The following SPG11 variants were observed in gnomAD, a reference collection of about 807,000 sequenced individuals.
SPG11 encodes the protein SPG11 vesicle trafficking associated, spatacsin, also known as spatacsin.
Under a neutral mutation model 274.0 loss-of-function variants are expected in SPG11, and 222 were observed. The ratio of observed to expected loss-of-function variants is 0.81; its 90% confidence interval spans 0.73 to 0.91. The LOEUF is 0.91. SPG11 is among the 40% of genes least tolerant of loss of function. SPG11 has a pLI of 0.00. For synonymous variants in SPG11, 1,144 were observed against 1,039.7 expected (o/e 1.10, Z -1.93); for missense variants, 3,114 against 2,872.7 (o/e 1.08, Z -1.92).
chr15:44,593,941 T>G (rs2082967383), intron 26 of SPG11, among the ~76,000 whole-genome samples: 1 of 150,490 alleles, frequency 6.6e-6, no homozygotes, highest in South Asian at 2.1e-4. Context: ...TTTTTTTTTT[T>G]GTATTTTTAG....
rs181229662 is a variant in SPG11, at chr15:44,629,303, T to C, written c.1821A>G (p.Ser607=). ...SYSEPQSKHF[S]EQLLNLTLSF... is the part of the protein sequence containing the mutation. ...ACAGTGTAAGATTAAGCAATTGTTCTGAAAAGTGTTTGCTTTGGGGTTCAG... is the reference window on the plus strand; with the variant it reads ...ACAGTGTAAGATTAAGCAATTGTTCCGAAAAGTGTTTGCTTTGGGGTTCAG... Residue 607 remains serine (S), a synonymous_variant, in exon 9 of 40, where the codon TCA becomes TCG. Transcript: ENST00000261866. 2.5e-5 allele frequency: 41 copies of C among 1,614,184 alleles called. No individual in the cohort carries two copies. In the East Asian group the frequency reaches 4.9e-4, roughly 19 times the overall value.
intron 30 of SPG11, among the ~76,000 whole-genome samples, chr15:44,578,699 G>A (rs971945678): frequency 4.6e-5 from 7 of 152,186 alleles, no homozygotes; most frequent in Admixed American, 2.6e-4. Flanking sequence ...TACCGCAAAG[G>A]AAAATGAACT....
At chr15:44,626,603 G>A (rs1039408097) in intron 10 of SPG11, 96 bp from the exon 11 acceptor site, 6 of 1,281,526 alleles carry the variant, frequency 4.7e-6, no homozygotes, top group South Asian at 3.9e-5. Flanking sequence ...ATCTAACAAA[G>A]GAACTTTTAT....
chr15:44,637,639 A>G (rs1171805174), intron 7 of SPG11, among the ~76,000 whole-genome samples: 2 of 152,184 alleles, frequency 1.3e-5, no homozygotes, highest in East Asian at 1.9e-4. Flanking sequence ...TTTCAAGCAC[A>G]TGGAACTTTT....
Position 44,621,927 on chromosome 15 carries a change from TC to T in SPG11, c.2451del (p.Trp817Ter). 6.2e-7 allele frequency: 1 copy of T among 1,611,716 alleles called. No individual in the cohort carries two copies. Among genetic ancestry groups the T allele is most frequent in the Non-Finnish European group, 8.5e-7 (1 of 1,179,092 alleles). ...NMQIQSFPRY[W>X]IKEQDFFKHK... is the part of the protein sequence containing the mutation. Reference sequence around the variant, plus strand: ...TGCTTGAAAAAATCTTGTTCCTTTATCCAGTACCTAAAAACAGTGATATAAA... The same window carrying T: ...TGCTTGAAAAAATCTTGTTCCTTTATCAGTACCTAAAAACAGTGATATAAA... On this transcript the variant is annotated frameshift_variant, in exon 14 of 40. Coordinates refer to ENST00000261866, the MANE Select transcript of SPG11 (RefSeq NM_025137.4). LOFTEE classifies it high-confidence loss of function.
chr15:44,568,804 C>T (rs2140919476), intron 35 of SPG11, among the ~76,000 whole-genome samples: 1 of 152,208 alleles, frequency 6.6e-6, no homozygotes, highest in South Asian at 2.1e-4. Context: ...TTTGCCCCTG[C>T]CAGAGAAGGC....
chr15:44,576,424 G>A (rs1019598639), intron 30 of SPG11, among the ~76,000 whole-genome samples: 4 of 151,972 alleles, frequency 2.6e-5, no homozygotes, highest in African/African-American at 4.8e-5. Context: ...TGAGGTGGGC[G>A]GATCACAAGG....
intron 17 of SPG11, among the ~76,000 whole-genome samples, chr15:44,611,333 A>G (rs906880702): frequency 6.6e-6 from 1 of 152,214 alleles, no homozygotes; most frequent in Non-Finnish European, 1.5e-5. Flanking sequence ...TCTAACAGAT[A>G]AATGGGCAAA....
intron 7 of SPG11, among the ~76,000 whole-genome samples, chr15:44,638,918 C>T (rs1471889503): frequency 6.6e-6 from 1 of 151,800 alleles, no homozygotes; most frequent in East Asian, 1.9e-4. Context: ...ATCGCTTGAA[C>T]CCGGGCTGTG....
intron 29 of SPG11, among the ~76,000 whole-genome samples, chr15:44,585,085 T>C (rs2082729079): frequency 6.6e-6 from 1 of 152,148 alleles, no homozygotes; most frequent in Non-Finnish European, 1.5e-5. Context: ...TTTAATTCTA[T>C]TCAAAGGAAA....
At chr15:44,606,942 G>A (rs1057070570) in intron 19 of SPG11, among the ~76,000 whole-genome samples, 7 of 152,138 alleles carry the variant, frequency 4.6e-5, no homozygotes, top group East Asian at 1.9e-4. Flanking sequence ...AGACACAGGG[G>A]CATCTGTGAC....
chr15:44,659,351 C>T (rs749196948), intron 2 of SPG11, 48 bp from the exon 3 acceptor site: 12 of 1,468,696 alleles, frequency 8.2e-6, no homozygotes, highest in African/African-American at 1.4e-5. Flanking sequence ...CACAATTTTA[C>T]AACTGGTACA....
chr15:44,571,516 G>C (rs866056440), intron 33 of SPG11, among the ~76,000 whole-genome samples: 2 of 36,606 alleles, frequency 5.5e-5, no homozygotes, highest in Non-Finnish European at 1.1e-4. Flanking sequence ...TTTTTTTTTT[G>C]AGATGGAGGC....
intron 35 of SPG11, 83 bp downstream of exon 35, chr15:44,569,315 A>G (rs1237749129): frequency 4.9e-6 from 5 of 1,016,852 alleles, no homozygotes; most frequent in Non-Finnish European, 7.6e-6. Context: ...GTCTACCCTG[A>G]CTGAGATTAT....
intron 21 of SPG11, 42 bp from the exon 22 acceptor site, chr15:44,598,878 T>C: frequency 6.3e-7 from 1 of 1,585,450 alleles, no homozygotes; most frequent in Non-Finnish European, 8.7e-7. Context: ...CACATGAAAA[T>C]TATGTCTCAC....
intron 28 of SPG11, among the ~76,000 whole-genome samples, chr15:44,588,190 T>C (rs1567142095): frequency 6.6e-6 from 1 of 151,444 alleles, no homozygotes; most frequent in East Asian, 1.9e-4. Flanking sequence ...TATCATTCAA[T>C]AAAAAACTTG....
rs776764189 is a variant in SPG11 at position 44,573,739 on chromosome 15, C to T, written c.6013G>A (p.Gly2005Ser). ...LCLYDLAKEL[G>S]CSYTDVAAQD... ...GCAGCAACATCTGTGTAGGAACAGC[C>T]CAACTCCTGAGAGGAAGACAAAGCC... The change falls in exon 32 of 40, where the codon GGC becomes AGC. Residue 2005 changes from glycine to serine, a missense_variant. Coordinates refer to ENST00000261866, the MANE Select transcript of SPG11 (RefSeq NM_025137.4). The T allele has an allele frequency of 1.2e-5, 20 of 1,614,062 alleles. No homozygotes were observed. In the South Asian group the frequency reaches 2.2e-4, roughly 18 times the overall value.
intron 16 of SPG11, among the ~76,000 whole-genome samples, chr15:44,614,759 A>G (rs183747470): frequency 1.3e-4 from 20 of 152,344 alleles, no homozygotes; most frequent in Non-Finnish European, 1.5e-5. Context: ...TAATGCATAT[A>G]AAGTACTTAG....
At chr15:44,625,004 C>T (rs1418798353) in intron 11 of SPG11, among the ~76,000 whole-genome samples, 12 of 151,876 alleles carry the variant, frequency 7.9e-5, no homozygotes, top group Non-Finnish European at 1.2e-4. Flanking sequence ...GGCATGGTGG[C>T]GCATGCTGTA....
Sources: allele counts gnomAD v4.1 joint callset (sites outside exome capture counted in the v4.1 genomes callset), GRCh38; gene constraint gnomAD v4.1.1; transcripts MANE v1.5; gene names NCBI Gene and HGNC (gene_info 2026-07-23, HGNC 2026-07-21).